Variants in SYN3 observed in about 807,000 individuals in gnomAD.
SYN3 encodes the protein synapsin-3.
SYN3 carries 35 observed loss-of-function variants against 65.8 expected under a neutral mutation model. The observed-to-expected ratio is 0.53, with a 90% confidence interval of 0.41 to 0.70. The LOEUF is 0.70. Ranked by LOEUF, SYN3 falls within the 30% of genes least tolerant of loss-of-function variation. The pLI is 0.00. For synonymous variants in SYN3, 270 were observed against 292.9 expected, an observed-to-expected ratio of 0.92 and a Z score of 0.80; for missense variants, 680 against 749.0, an observed-to-expected ratio of 0.91 and a Z score of 1.08.
intron 6 of SYN3, among the ~76,000 whole-genome samples, chr22:32,749,486 C>T (rs1393114346): frequency 6.6e-6 from 1 of 152,014 alleles, no homozygotes; most frequent in Admixed American, 6.5e-5. Flanking sequence ...CTAAAAACTA[C>T]AAAAATTAGC....
chr22:32,555,331 A>G (rs1306149620), intron 7 of SYN3, among the ~76,000 whole-genome samples: 1 of 152,202 alleles, frequency 6.6e-6, no homozygotes, highest in East Asian at 1.9e-4. Context: ...TGAGGCCAAG[A>G]TCCTTCCCAG....
At chr22:32,906,809 C>T (rs1312844818) in intron 4 of SYN3, among the ~76,000 whole-genome samples, 1 of 152,200 alleles carries the variant, frequency 6.6e-6, no homozygotes, top group Non-Finnish European at 1.5e-5. Context: ...CTTCCAGCTT[C>T]ATCCATGTCC....
intron 6 of SYN3, among the ~76,000 whole-genome samples, chr22:32,700,915 AT>A (rs2060802730): frequency 6.6e-6 from 1 of 152,170 alleles, no homozygotes; most frequent in African/African-American, 2.4e-5. Flanking sequence ...TGACACCATC[AT>A]TTACTCAGTT....
At chr22:32,528,841 C>T in intron 11 of SYN3, 33 bp downstream of exon 11, 1 of 1,613,576 alleles carries the variant, frequency 6.2e-7, no homozygotes, top group Non-Finnish European at 8.5e-7. Flanking sequence ...TTTCTCATGG[C>T]TATAAAGTCT....
chr22:32,509,919 G>A lies in SYN3; in HGVS notation c.*3773C>T, dbSNP rs1461717765. 6.6e-6 allele frequency among the ~76,000 whole-genome samples: 1 copy of A among 152,144 alleles called. No homozygotes were observed. Among genetic ancestry groups the A allele is most frequent in the African/African-American group, 2.4e-5 (1 of 41,430 alleles). Reference sequence around the variant, plus strand: ...TGGCTATAAACTAGTGTTATGTCATGGATCTGGATATATGAGTATGGTTAT... The same window carrying A: ...TGGCTATAAACTAGTGTTATGTCATAGATCTGGATATATGAGTATGGTTAT... On this transcript the variant is annotated 3_prime_UTR_variant, in exon 14 of 14. Transcript: ENST00000358763.
chr22:32,624,750 C>T (rs1334551469), intron 6 of SYN3, among the ~76,000 whole-genome samples: 1 of 152,224 alleles, frequency 6.6e-6, no homozygotes. Context: ...TGGGCCCTGC[C>T]AACAGGAATT....
chr22:32,619,542 G>A (rs980574938), intron 6 of SYN3, among the ~76,000 whole-genome samples: 1 of 152,164 alleles, frequency 6.6e-6, no homozygotes, highest in Non-Finnish European at 1.5e-5. Context: ...GTTACACTAT[G>A]AGCCCTTAAA....
intron 1 of SYN3, among the ~76,000 whole-genome samples, chr22:33,028,670 G>GGTGGTGGTGGTGGTGGTGGTGGTGA (rs2053685200): frequency 4.1e-4 from 48 of 118,088 alleles, no homozygotes; most frequent in Middle Eastern, 4.5e-3. Context: ...GGTGGTGGTG[G>GGTGGTGGTGGTGGTGGTGGTGGTGA]TGGTGGTGGT....
intron 6 of SYN3, among the ~76,000 whole-genome samples, chr22:32,622,317 C>T (rs1864645242): frequency 6.6e-6 from 1 of 152,092 alleles, no homozygotes; most frequent in South Asian, 2.1e-4. Context: ...TCTCAAATCC[C>T]CGTTCCCACC....
intron 8 of SYN3, among the ~76,000 whole-genome samples, chr22:32,541,361 A>G (rs961837229): frequency 2.6e-5 from 4 of 152,230 alleles, no homozygotes; most frequent in South Asian, 2.1e-4. Flanking sequence ...TCTGGAGGAA[A>G]CAGCCCTTGC....
At chr22:32,992,126 A>C (rs760725524) in intron 2 of SYN3, among the ~76,000 whole-genome samples, 1 of 152,280 alleles carries the variant, frequency 6.6e-6, no homozygotes, top group Non-Finnish European at 1.5e-5. Context: ...ACGACTCACA[A>C]GTGAAACGCT....
intron 4 of SYN3, among the ~76,000 whole-genome samples, chr22:32,879,397 A>G (rs2049066658): frequency 6.6e-6 from 1 of 152,158 alleles, no homozygotes; most frequent in South Asian, 2.1e-4. Flanking sequence ...ACAAAAATTT[A>G]TTTCTCACAT....
intron 6 of SYN3, among the ~76,000 whole-genome samples, chr22:32,759,502 T>C (rs906407818): frequency 7.2e-5 from 11 of 152,180 alleles, no homozygotes; most frequent in African/African-American, 2.4e-4. Flanking sequence ...GTGACTAGAC[T>C]ACTTGACATT....
chr22:32,509,619 A>G lies in SYN3; in HGVS notation c.*4073T>C, dbSNP rs543320408. Among the ~76,000 whole-genome samples the G allele has an allele frequency of 1.3e-5, 2 of 152,108 alleles. No individual in the cohort carries two copies. The highest frequency in any genetic ancestry group is 3.9e-4 in the East Asian group (2 of 5,172). Reference sequence around the variant, plus strand: ...AGTCTCACTCTGTTGCCCAGGCTGGAGTGCAGTGGTGCGATCTCGGCTCAC... The same window carrying G: ...AGTCTCACTCTGTTGCCCAGGCTGGGGTGCAGTGGTGCGATCTCGGCTCAC... On this transcript the variant is annotated 3_prime_UTR_variant, in exon 14 of 14. Coordinates refer to ENST00000358763, the MANE Select transcript of SYN3 (RefSeq NM_003490.4).
chr22:32,814,112 G>A (rs1320643984), intron 6 of SYN3, among the ~76,000 whole-genome samples: 2 of 1,392 alleles, frequency 1.4e-3, no homozygotes, highest in African/African-American at 5.4e-3. Context: ...ATACTCGTGT[G>A]TGTGTGTGTG....
intron 4 of SYN3, among the ~76,000 whole-genome samples, chr22:32,897,127 C>T (rs1368206648): frequency 2.0e-5 from 3 of 152,188 alleles, no homozygotes; most frequent in Non-Finnish European, 2.9e-5. Flanking sequence ...CTCCTGACTC[C>T]ACCCCAGCCA....
At chr22:32,739,079 T>C (rs1338895453) in intron 6 of SYN3, among the ~76,000 whole-genome samples, 1 of 152,128 alleles carries the variant, frequency 6.6e-6, no homozygotes, top group Non-Finnish European at 1.5e-5. Flanking sequence ...CTGATATGGG[T>C]TTGGCTGTGT....
chr22:32,817,495 A>G lies in SYN3; in HGVS notation c.711+47420T>C, dbSNP rs376648464. The stretch of plus-strand genomic sequence containing the variant: ...TGTGATTGCTGAGTAGGGAAGAAGA[A>G]ATTAGGAAGTATCATCTGCATTACA... On this transcript the variant is annotated intron_variant, in intron 6 of 13. Coordinates refer to ENST00000358763, the MANE Select transcript of SYN3 (RefSeq NM_003490.4). 2.6e-5 allele frequency among the ~76,000 whole-genome samples: 4 copies of G among 152,284 alleles called. No homozygotes were observed. In the East Asian group the frequency reaches 7.7e-4, roughly 29 times the overall value.
intron 6 of SYN3, among the ~76,000 whole-genome samples, chr22:32,808,270 TTC>T (rs2046819220): frequency 6.6e-6 from 1 of 152,208 alleles, no homozygotes; most frequent in Non-Finnish European, 1.5e-5. Flanking sequence ...GGGTTTTGCT[TTC>T]TGACTCAAAG....
Sources: allele counts gnomAD v4.1 joint callset (sites outside exome capture counted in the v4.1 genomes callset), GRCh38; gene constraint gnomAD v4.1.1; transcripts MANE v1.5; gene names NCBI Gene and HGNC (gene_info 2026-07-23, HGNC 2026-07-21).